Variants in RIMS1 observed in about 807,000 individuals in gnomAD.
RIMS1 encodes regulating synaptic membrane exocytosis protein 1.
Under a neutral mutation model 214.1 loss-of-function variants are expected in RIMS1, and 83 were observed. That is an observed-to-expected ratio of 0.39 (90% CI 0.32 to 0.47). RIMS1 has a LOEUF of 0.47. Among genes scored for constraint, RIMS1 ranks in the 20% least tolerant of loss-of-function variants. RIMS1 has a pLI of 0.99. For synonymous variants in RIMS1, 793 were observed against 786.8 expected (o/e 1.01, Z -0.13); for missense variants, 2,050 against 2,161.8 (o/e 0.95, Z 1.03).
At chr6:72,217,061 G>A (rs2056413224) in intron 6 of RIMS1, 1 of 1,478,622 alleles carries the variant, frequency 6.8e-7, no homozygotes. Flanking sequence ...AGGACCACAG[G>A]GAATTTTATT....
intron 4 of RIMS1, 165 bp from the exon 5 acceptor site, chr6:72,179,410 C>T: frequency 2.9e-6 from 2 of 694,046 alleles, no homozygotes; most frequent in African/African-American, 3.5e-5. Flanking sequence ...TCTAGGCATT[C>T]ATATATTTGA....
At chr6:72,013,524 A>G (rs1238794427) in intron 2 of RIMS1, among the ~76,000 whole-genome samples, 1 of 152,188 alleles carries the variant, frequency 6.6e-6, no homozygotes, top group Non-Finnish European at 1.5e-5. Flanking sequence ...ATGACAATAT[A>G]CTGTGATTGT....
chr6:72,081,735 T>G (rs926087386), intron 2 of RIMS1, among the ~76,000 whole-genome samples: 1 of 152,186 alleles, frequency 6.6e-6, no homozygotes, highest in African/African-American at 2.4e-5. Flanking sequence ...AAAATCCTTC[T>G]GATAGTCTCT....
intron 2 of RIMS1, among the ~76,000 whole-genome samples, chr6:72,081,657 T>C (rs566875559): frequency 6.6e-6 from 1 of 152,102 alleles, no homozygotes; most frequent in South Asian, 2.1e-4. Flanking sequence ...CTGGAGTTGA[T>C]TAAACAGTGG....
chr6:72,368,482 G>A (rs916500192), intron 29 of RIMS1, among the ~76,000 whole-genome samples: 1 of 150,836 alleles, frequency 6.6e-6, no homozygotes, highest in Admixed American at 6.6e-5. Context: ...TTTTAGTAGA[G>A]AAGGGATTTC....
intron 1 of RIMS1, among the ~76,000 whole-genome samples, chr6:71,892,145 A>C: frequency 6.6e-6 from 1 of 152,290 alleles, no homozygotes; most frequent in South Asian, 2.1e-4. Context: ...CTGACCTCAA[A>C]CCATTATTGT....
intron 4 of RIMS1, among the ~76,000 whole-genome samples, chr6:72,112,230 A>G (rs531960713): frequency 6.6e-6 from 1 of 151,774 alleles, no homozygotes; most frequent in South Asian, 2.1e-4. Context: ...TCTTCTTACC[A>G]CCTCCACTTT....
chr6:72,086,029 CA>C, intron 2 of RIMS1, among the ~76,000 whole-genome samples: 1 of 152,064 alleles, frequency 6.6e-6, no homozygotes, highest in Non-Finnish European at 1.5e-5. Context: ...TATATTTTCC[CA>C]AATGTTTTCA....
At chr6:72,045,353 C>A (rs1443082326) in intron 2 of RIMS1, among the ~76,000 whole-genome samples, 1 of 151,762 alleles carries the variant, frequency 6.6e-6, no homozygotes, top group Non-Finnish European at 1.5e-5. Context: ...GACAGAGGAA[C>A]ACTAGATCCC....
At chr6:72,256,783 T>C (rs2076048188) in intron 16 of RIMS1, among the ~76,000 whole-genome samples, 1 of 152,006 alleles carries the variant, frequency 6.6e-6, no homozygotes. Context: ...ATTTCTAGTC[T>C]TAAAATTACA....
chr6:71,957,610 A>G (rs1213375644), intron 1 of RIMS1, among the ~76,000 whole-genome samples: 1 of 150,534 alleles, frequency 6.6e-6, no homozygotes. Flanking sequence ...AGTAAATACC[A>G]GGGTTAATTA....
At chr6:72,236,564 T>G (rs1190944201) in intron 8 of RIMS1, among the ~76,000 whole-genome samples, 1 of 152,132 alleles carries the variant, frequency 6.6e-6, no homozygotes, top group African/African-American at 2.4e-5. Flanking sequence ...AAAATGAATT[T>G]TAATGTAAAC....
intron 2 of RIMS1, among the ~76,000 whole-genome samples, chr6:71,999,529 T>C (rs1027989694): frequency 1.3e-5 from 2 of 152,180 alleles, no homozygotes; most frequent in African/African-American, 4.8e-5. Context: ...CAGAATTCTG[T>C]TGATTCTGCA....
intron 22 of RIMS1, among the ~76,000 whole-genome samples, chr6:72,271,616 T>C (rs1342979368): frequency 6.6e-6 from 1 of 152,100 alleles, no homozygotes; most frequent in African/African-American, 2.4e-5. Context: ...AATACACATA[T>C]ACATTTGTTT....
intron 2 of RIMS1, among the ~76,000 whole-genome samples, chr6:72,006,823 C>T (rs1012643139): frequency 6.6e-5 from 10 of 152,146 alleles, no homozygotes; most frequent in South Asian, 2.1e-4. Context: ...ACAAAGCGGC[C>T]GGGAAGCTCG....
chr6:72,093,688 T>C (rs1426606851), intron 2 of RIMS1, among the ~76,000 whole-genome samples: 3 of 152,154 alleles, frequency 2.0e-5, no homozygotes, highest in African/African-American at 4.8e-5. Context: ...CATACTGTAA[T>C]ATTTAAATGT....
intron 29 of RIMS1, among the ~76,000 whole-genome samples, chr6:72,342,651 GT>G (rs1360420504): frequency 1.3e-5 from 2 of 151,580 alleles, no homozygotes; most frequent in Middle Eastern, 3.2e-3. Flanking sequence ...GTGTGTGTGT[GT>G]GTGTGGGCAT....
chr6:72,217,121 C>T, intron 6 of RIMS1: 2 of 1,528,706 alleles, frequency 1.3e-6, no homozygotes, highest in Admixed American at 4.0e-5. Flanking sequence ...GCATTTGCTG[C>T]CATTGCTAGC....
chr6:72,352,044 CTG>C (rs2097466792), intron 29 of RIMS1, among the ~76,000 whole-genome samples: 2 of 152,200 alleles, frequency 1.3e-5, no homozygotes, highest in Admixed American at 1.3e-4. Flanking sequence ...GCTACAGAGT[CTG>C]TGCTCTAAAT....
Sources: allele counts gnomAD v4.1 joint callset (sites outside exome capture counted in the v4.1 genomes callset), GRCh38; gene constraint gnomAD v4.1.1; transcripts MANE v1.5; gene names NCBI Gene and HGNC (gene_info 2026-07-23, HGNC 2026-07-21).